Variants in CNGB3 observed in about 807,000 individuals in gnomAD.
CNGB3 encodes cyclic nucleotide-gated channel beta-3.
Under a neutral mutation model 92.8 loss-of-function variants are expected in CNGB3, and 86 were observed. That is an observed-to-expected ratio of 0.93 (90% CI 0.78 to 1.11). CNGB3 has a LOEUF of 1.11. Ranked by LOEUF, CNGB3 falls within the 50% of genes least tolerant of loss-of-function variation. The pLI, the probability that CNGB3 is intolerant of heterozygous loss-of-function variation, is 0.00. For missense variants in CNGB3, 1,026 were observed against 956.8 expected (o/e 1.07, Z -0.95); for synonymous variants, 333 against 332.7 (o/e 1.00, Z -0.01).
chr8:86,675,032 C>T lies in CNGB3; in HGVS notation c.339-3934G>A, dbSNP rs1038165022. 3.9e-5 allele frequency among the ~76,000 whole-genome samples: 6 copies of T among 152,114 alleles called. No individual in the cohort carries two copies. In the East Asian group the frequency reaches 1.2e-3, roughly 29 times the overall value. ...GGAAAGCAGTGGTGCAATCTCGGCT[C>T]ACTGCAACCTCTGCCTTCCAGGTTC... On this transcript the variant is annotated intron_variant, in intron 3 of 17. Transcript: ENST00000320005.
intron 3 of CNGB3, among the ~76,000 whole-genome samples, chr8:86,718,001 A>G (rs570480919): frequency 6.6e-6 from 1 of 152,318 alleles, no homozygotes; most frequent in Admixed American, 6.5e-5. Flanking sequence ...AACCCCTGGG[A>G]TATATCAAAA....
chr8:86,611,810 A>G, intron 13 of CNGB3, 139 bp from the exon 14 acceptor site: 3 of 679,060 alleles, frequency 4.4e-6, no homozygotes, highest in Non-Finnish European at 5.1e-6. Context: ...GGCTATGGAC[A>G]TGTCATGACT....
intron 3 of CNGB3, among the ~76,000 whole-genome samples, chr8:86,695,980 A>AGT (rs1314893447): frequency 6.6e-6 from 1 of 152,034 alleles, no homozygotes; most frequent in African/African-American, 2.4e-5. Context: ...ATGTCTGAAA[A>AGT]GTGTCCTGTG....
At chr8:86,694,439 C>A (rs1374998932) in intron 3 of CNGB3, among the ~76,000 whole-genome samples, 1 of 151,552 alleles carries the variant, frequency 6.6e-6, no homozygotes, top group East Asian at 2.0e-4. Flanking sequence ...GGCTGCCGGG[C>A]GGAGACGCTC....
chr8:86,661,483 C>T (rs13268738), intron 6 of CNGB3: 288,683 of 611,430 alleles, frequency 0.47, 70,910 homozygotes, highest in Admixed American at 0.66. Context: ...TTCATAAGTC[C>T]ATCTGAAACT....
intron 12 of CNGB3, among the ~76,000 whole-genome samples, chr8:86,627,781 C>T (rs1280686872): frequency 1.3e-5 from 2 of 152,138 alleles, no homozygotes; most frequent in African/African-American, 4.8e-5. Context: ...ATGGGAGTGG[C>T]CTGAAAGGTT....
intron 15 of CNGB3, among the ~76,000 whole-genome samples, chr8:86,598,746 A>C (rs1340037600): frequency 6.6e-6 from 1 of 152,128 alleles, no homozygotes; most frequent in East Asian, 1.9e-4. Context: ...GTCTTTTATA[A>C]AGACACTTAT....
At chr8:86,713,937 C>T (rs1824797791) in intron 3 of CNGB3, among the ~76,000 whole-genome samples, 1 of 152,114 alleles carries the variant, frequency 6.6e-6, no homozygotes, top group Non-Finnish European at 1.5e-5. Flanking sequence ...CCTTTGATCC[C>T]ACCCTTGCAT....
chr8:86,657,788 C>A, intron 6 of CNGB3: 2 of 493,736 alleles, frequency 4.1e-6, no homozygotes. Context: ...CCTCCTTGTC[C>A]TGGGCCAGGC....
intron 6 of CNGB3, chr8:86,659,292 C>T (rs982206711): frequency 9.8e-7 from 1 of 1,016,898 alleles, no homozygotes; most frequent in Non-Finnish European, 1.6e-6. Flanking sequence ...CATAACCTGC[C>T]CCAGGTGTGC....
In CNGB3 at chr8:86,739,769, G is replaced by T. The variant is rs375462399; in HGVS notation, c.130-33C>A. The T allele has an allele frequency of 1.3e-5, 21 of 1,600,932 alleles. No homozygotes were observed. In the African/African-American group the frequency reaches 2.4e-4, roughly 18 times the overall value. On this transcript the variant is annotated intron_variant, in intron 1 of 17. Coordinates refer to ENST00000320005, the MANE Select transcript of CNGB3 (RefSeq NM_019098.5). Reference sequence around the variant, plus strand: ...AAAAAACATAGAGATTGTATGTGATGAATTTACATAAAAATGAAGTTGAAT... The same window carrying T: ...AAAAAACATAGAGATTGTATGTGATTAATTTACATAAAAATGAAGTTGAAT...
rs554222233 is a variant in CNGB3, at chr8:86,633,948, C to T, written c.1179-1055G>A. On this transcript the variant is annotated intron_variant, in intron 10 of 17. Transcript: ENST00000320005. ...GGAAATTACTGTTGATTGTAATGGG[C>T]AACTGATCTAGAAATTTGGTATTGA... Among the ~76,000 whole-genome samples the T allele has an allele frequency of 3.9e-5, 6 of 152,120 alleles. No individual in the cohort carries two copies. The East Asian group carries it at 1.2e-3, about 29-fold the overall frequency.
At chr8:86,586,222 C>T (rs571133211) in intron 15 of CNGB3, among the ~76,000 whole-genome samples, 2 of 152,158 alleles carry the variant, frequency 1.3e-5, no homozygotes, top group Non-Finnish European at 2.9e-5. Flanking sequence ...CACCTGCCCT[C>T]AAGCTGTTTG....
At chr8:86,610,616 G>A (rs1200168901) in intron 14 of CNGB3, among the ~76,000 whole-genome samples, 1 of 152,136 alleles carries the variant, frequency 6.6e-6, no homozygotes, top group Non-Finnish European at 1.5e-5. Flanking sequence ...ATTTTGAAAT[G>A]ATAAAAGTGC....
At position 86,654,065 on chromosome 8, in the gene CNGB3, G is replaced by C; in HGVS notation, c.853-3C>G. 6.4e-7 allele frequency: 1 copy of C among 1,574,524 alleles called. No homozygotes were observed. The highest frequency in any genetic ancestry group is 1.3e-5 in the African/African-American group (1 of 74,230). On this transcript the variant is annotated splice_region_variant and splice_polypyrimidine_tract_variant and intron_variant, in intron 6 of 17. Transcript: ENST00000320005. ...TTCCTTAGCTCATTTGAATCCACCT[G>C]AAAGATATTTGTATTTTCATTAATT... is the stretch of plus-strand genomic sequence containing the variant.
Position 86,604,187 on chromosome 8 carries a change from T to C in CNGB3, c.1687A>G (p.Ile563Val), listed in dbSNP as rs764907730. 5 of 1,612,752 alleles carry C rather than the reference T, an allele frequency of 3.1e-6. No individual in the cohort carries two copies. The South Asian group carries it at 5.5e-5, about 18-fold the overall frequency. Residue 563 changes from isoleucine to valine, a missense_variant, in exon 15 of 18, where the codon ATC (isoleucine) becomes GTC (valine). By Grantham distance (29) the Ile-to-Val change is conservative (BLOSUM62 3). Transcript: ENST00000320005. ...KKGEIGKEMY[I>V]IKHGEVQVLG... is the part of the protein sequence containing the mutation. Reference sequence around the variant, plus strand: ...ACTTGGACTTCTCCATGCTTGATGATATACATTTCCTTGCCAATTTCTCCC... The same window carrying C: ...ACTTGGACTTCTCCATGCTTGATGACATACATTTCCTTGCCAATTTCTCCC...
chr8:86,581,089 T>C (rs1211837894), intron 15 of CNGB3, among the ~76,000 whole-genome samples: 1 of 152,186 alleles, frequency 6.6e-6, no homozygotes, highest in Non-Finnish European at 1.5e-5. Flanking sequence ...GTTAAGAGCC[T>C]GGAAATCATT....
rs140344492 is a variant in CNGB3 at position 86,618,697 on chromosome 8, C to T, written c.1579-7026G>A. Among the ~76,000 whole-genome samples, 586 of 152,348 alleles carry T rather than the reference C, an allele frequency of 3.8e-3. 4 individuals carry two copies. The highest frequency in any genetic ancestry group is 0.013 in the African/African-American group (549 of 41,590). On this transcript the variant is annotated intron_variant, in intron 13 of 17. Transcript: ENST00000320005. Reference sequence around the variant, plus strand: ...ATTTTTTAAAAGTCTAGCAACAATACTTCATTTCTAATACCATTAGGGTAA... The same window carrying T: ...ATTTTTTAAAAGTCTAGCAACAATATTTCATTTCTAATACCATTAGGGTAA...
At chr8:86,607,198 G>A (rs1417540098) in intron 14 of CNGB3, among the ~76,000 whole-genome samples, 11 of 152,122 alleles carry the variant, frequency 7.2e-5, no homozygotes, top group South Asian at 4.2e-4. Context: ...CATAATCAAC[G>A]AACCAAAACT....
Sources: gnomAD v4.1 joint callset for allele counts (sites outside exome capture counted in the v4.1 genomes callset) on GRCh38, gnomAD v4.1.1 for gene constraint, MANE v1.5 for transcripts, NCBI Gene and HGNC (gene_info 2026-07-23, HGNC 2026-07-21) for gene names.